The following SYN2 variants were observed in gnomAD, a reference collection of about 807,000 sequenced individuals.
SYN2 encodes synapsin-2.
SYN2 carries 19 observed loss-of-function variants against 50.9 expected under a neutral mutation model. That is an observed-to-expected ratio of 0.37 (90% confidence interval 0.26 to 0.55). The LOEUF is 0.55. Ranked by LOEUF, SYN2 falls within the 20% of genes least tolerant of loss-of-function variation. The probability of loss-of-function intolerance (pLI) is 0.81; values close to 1 mark genes in which losing one functional copy is unlikely to be tolerated. For missense variants in SYN2, 587 were observed against 576.4 expected (o/e 1.02, Z -0.19); for synonymous variants, 255 against 224.9 (o/e 1.13, Z -1.20).
At chr3:12,166,421 G>A (rs1308708755) in intron 7 of SYN2, among the ~76,000 whole-genome samples, 1 of 152,184 alleles carries the variant, frequency 6.6e-6, no homozygotes, top group East Asian at 1.9e-4. Context: ...GGCTCAGAGG[G>A]GTGAAATGAC....
chr3:12,088,210 A>G (rs763305203), intron 1 of SYN2, among the ~76,000 whole-genome samples: 1 of 152,222 alleles, frequency 6.6e-6, no homozygotes, highest in Non-Finnish European at 1.5e-5. Context: ...CAAACAACTC[A>G]ATAACAAGAA....
Position 12,161,711 on chromosome 3 carries a change from C to T in SYN2, c.837+103C>T. 8.8e-6 allele frequency: 12 copies of T among 1,358,602 alleles called. No homozygotes were observed. In the South Asian group the frequency reaches 1.5e-4, roughly 16 times the overall value. 84.2% of individuals were successfully genotyped at this position (1,358,602 alleles called of 1,614,324 possible). A position where few individuals can be genotyped will look rare whatever the true frequency, so the allele number is the denominator to read the frequency against. ...ATTCTCCCTCTGTCACTGATGAATT[C>T]TTTCCAAAGAGAAGATGATTTGCCA... On this transcript the variant is annotated intron_variant, in intron 6 of 12. Coordinates refer to ENST00000621198, the MANE Select transcript of SYN2 (RefSeq NM_133625.6).
intron 1 of SYN2, among the ~76,000 whole-genome samples, chr3:12,082,731 T>C (rs965372915): frequency 6.6e-6 from 1 of 152,164 alleles, no homozygotes; most frequent in Non-Finnish European, 1.5e-5. Flanking sequence ...TATATTATAG[T>C]TTCTTTTTTT....
At chr3:12,183,575 C>G in intron 11 of SYN2, 7 of 1,497,932 alleles carry the variant, frequency 4.7e-6, no homozygotes, top group Non-Finnish European at 6.2e-6. Context: ...CTGTGTTTTT[C>G]CTATGCAGTG....
intron 1 of SYN2, among the ~76,000 whole-genome samples, chr3:12,022,405 A>G (rs961862449): frequency 1.3e-5 from 2 of 151,892 alleles, no homozygotes; most frequent in Non-Finnish European, 2.9e-5. Context: ...AGTTATTATT[A>G]TTATTATTAT....
intron 1 of SYN2, among the ~76,000 whole-genome samples, chr3:12,066,249 G>T (rs1695216266): frequency 6.6e-6 from 1 of 152,160 alleles, no homozygotes; most frequent in African/African-American, 2.4e-5. Flanking sequence ...GATGTAAAAT[G>T]ATAGTATGGA....
chr3:12,168,708 C>T (rs534495951), intron 9 of SYN2, among the ~76,000 whole-genome samples: 2 of 152,256 alleles, frequency 1.3e-5, no homozygotes, highest in South Asian at 4.1e-4. Flanking sequence ...GTGATGTTAC[C>T]ATTCTCTGTC....
At chr3:12,036,914 T>C (rs1219326252) in intron 1 of SYN2, among the ~76,000 whole-genome samples, 1 of 152,196 alleles carries the variant, frequency 6.6e-6, no homozygotes, top group South Asian at 2.1e-4. Context: ...AAGGAAGTAA[T>C]GAAGCATCTT....
intron 1 of SYN2, among the ~76,000 whole-genome samples, chr3:12,131,967 G>A (rs1696804226): frequency 6.6e-6 from 1 of 150,816 alleles, no homozygotes; most frequent in Non-Finnish European, 1.5e-5. Flanking sequence ...ATTGAGCCTG[G>A]TTGCTCTCTC....
intron 1 of SYN2, among the ~76,000 whole-genome samples, chr3:12,049,299 A>G (rs1254057948): frequency 2.0e-5 from 3 of 152,016 alleles, no homozygotes; most frequent in Non-Finnish European, 4.4e-5. Flanking sequence ...CAGGTGGATC[A>G]CCTGAGGTCA....
chr3:12,126,737 C>T (rs1296200936), intron 1 of SYN2, among the ~76,000 whole-genome samples: 2 of 152,166 alleles, frequency 1.3e-5, no homozygotes, highest in Non-Finnish European at 2.9e-5. Flanking sequence ...ATAATGCTAT[C>T]TACCTTATAT....
At position 12,136,892 on chromosome 3, in the gene SYN2, C is replaced by T. The variant is rs114052889; in HGVS notation, c.378-3759C>T. Among the ~76,000 whole-genome samples the T allele has an allele frequency of 2.2e-3, 341 of 152,184 alleles. 1 individual carries two copies. Among genetic ancestry groups the T allele is most frequent in the African/African-American group, 7.8e-3 (322 of 41,504 alleles). On this transcript the variant is annotated intron_variant, in intron 1 of 12. Transcript: ENST00000621198. ...GTTTCAAGGATGTACATGTTGGGTT[C>T]TGTTTAGGATTGAGCACAAGGGGAT...
chr3:12,058,241 T>C (rs1695038257), intron 1 of SYN2, among the ~76,000 whole-genome samples: 1 of 152,194 alleles, frequency 6.6e-6, no homozygotes, highest in East Asian at 1.9e-4. Flanking sequence ...ATAAATATGT[T>C]TTCTTTCCCA....
intron 1 of SYN2, among the ~76,000 whole-genome samples, chr3:12,062,734 A>G (rs982161047): frequency 4.6e-5 from 7 of 152,052 alleles, no homozygotes; most frequent in African/African-American, 1.7e-4. Context: ...GCTCCTAGGT[A>G]TTTACCCAAA....
chr3:12,089,800 G>T lies in SYN2; in HGVS notation c.378-50851G>T, dbSNP rs551257563. ...GGGGAGTCAGAGAGAGTACAGAAAT[G>T]TAGGCACGATGTCATAGAGGTTGGC... is the stretch of plus-strand genomic sequence containing the variant. On this transcript the variant is annotated intron_variant, in intron 1 of 12. Transcript: ENST00000621198. Among the ~76,000 whole-genome samples, 35 of 152,258 alleles carry T rather than the reference G, an allele frequency of 2.3e-4. 1 individual carries two copies. The highest frequency in any genetic ancestry group is 3.9e-4 in the Admixed American group (6 of 15,298).
At chr3:12,077,540 A>G (rs1016919649) in intron 1 of SYN2, among the ~76,000 whole-genome samples, 13 of 152,092 alleles carry the variant, frequency 8.5e-5, no homozygotes, top group Non-Finnish European at 1.6e-4. Context: ...CTCATTGTTC[A>G]GCTTCTACTT....
At chr3:12,132,844 C>G (rs1400520008) in intron 1 of SYN2, among the ~76,000 whole-genome samples, 1 of 152,158 alleles carries the variant, frequency 6.6e-6, no homozygotes, top group Non-Finnish European at 1.5e-5. Context: ...TTGCCTGTTA[C>G]AGCTCACAGG....
chr3:12,100,843 G>T (rs1198913938), intron 1 of SYN2, among the ~76,000 whole-genome samples: 1 of 152,008 alleles, frequency 6.6e-6, no homozygotes, highest in Non-Finnish European at 1.5e-5. Context: ...TTGTACAAAT[G>T]GCCATGAACA....
chr3:12,048,207 C>T (rs1408345581), intron 1 of SYN2, among the ~76,000 whole-genome samples: 1 of 152,218 alleles, frequency 6.6e-6, no homozygotes, highest in Non-Finnish European at 1.5e-5. Context: ...CAGGGTCTTG[C>T]TCTATCACCC....
Sources: gnomAD v4.1 joint callset for allele counts (sites outside exome capture counted in the v4.1 genomes callset) on GRCh38, gnomAD v4.1.1 for gene constraint, MANE v1.5 for transcripts, NCBI Gene and HGNC (gene_info 2026-07-23, HGNC 2026-07-21) for gene names.